The following VAV2 variants were observed in gnomAD, a reference collection of about 807,000 sequenced individuals.
VAV2 encodes the protein guanine nucleotide exchange factor VAV2.
A neutral mutation model predicts 132.5 loss-of-function variants in VAV2; 67 were observed. The ratio of observed to expected loss-of-function variants is 0.51; its 90% CI spans 0.42 to 0.62. VAV2 has a LOEUF of 0.62. Among genes scored for constraint, VAV2 ranks in the 20% least tolerant of loss-of-function variants. The pLI, the probability that VAV2 is intolerant of heterozygous loss-of-function variation, is 0.00. For synonymous variants in VAV2, 492 were observed against 443.5 expected, an observed-to-expected ratio of 1.11 and a Z score of -1.37; for missense variants, 938 against 1,153.6, an observed-to-expected ratio of 0.81 and a Z score of 2.71.
Position 133,794,443 on chromosome 9 carries a change from C to T in VAV2, c.1101+1225G>A, listed in dbSNP as rs2131630734. On this transcript the variant is annotated intron_variant, in intron 12 of 29. Transcript: ENST00000371850. This position sits in a 1 kb window ranked among gnomAD's most constrained non-coding sequence, Gnocchi z 4.6. ...GAGTAAATTTCTCCCCGAGCACAAG[C>T]CCTGCTCAGAGAACCTCTTAGCACC... Among the ~76,000 whole-genome samples, 1 of 152,334 alleles carries T rather than the reference C, an allele frequency of 6.6e-6. No homozygotes were observed. Among genetic ancestry groups the T allele is most frequent in the East Asian group, 1.9e-4 (1 of 5,180 alleles).
At chr9:133,778,067 A>G (rs1588161564) in intron 22 of VAV2, among the ~76,000 whole-genome samples, 1 of 152,150 alleles carries the variant, frequency 6.6e-6, no homozygotes, top group Non-Finnish European at 1.5e-5. Context: ...CTTGGCTCAG[A>G]CGCCCGGGTG....
intron 1 of VAV2, among the ~76,000 whole-genome samples, chr9:133,984,223 CT>C (rs1842784369): frequency 6.6e-6 from 1 of 152,194 alleles, no homozygotes; most frequent in Non-Finnish European, 1.5e-5. Flanking sequence ...ATCTGCCTGC[CT>C]CAGCATCCCA....
chr9:133,806,062 G>A lies in VAV2; in HGVS notation c.836+19C>T, dbSNP rs540945428. 5.0e-6 allele frequency: 8 copies of A among 1,608,830 alleles called. No individual in the cohort carries two copies. The African/African-American group carries it at 1.1e-4, about 21-fold the overall frequency. On this transcript the variant is annotated intron_variant, in intron 9 of 29. Coordinates refer to ENST00000371850, the MANE Select transcript of VAV2 (RefSeq NM_001134398.2). ...GACAGGGAGGGGCCAAGGAGCCCCAGGAGCCGGCAGCCACTCACCTTTCCT... is the reference window on the plus strand; with the variant it reads ...GACAGGGAGGGGCCAAGGAGCCCCAAGAGCCGGCAGCCACTCACCTTTCCT...
intron 4 of VAV2, among the ~76,000 whole-genome samples, chr9:133,819,317 C>T (rs1276693352): frequency 2.6e-5 from 4 of 151,692 alleles, no homozygotes; most frequent in African/African-American, 9.7e-5. Flanking sequence ...GGCGTGGTGG[C>T]GGGTGCCTGT....
intron 2 of VAV2, among the ~76,000 whole-genome samples, chr9:133,862,315 G>A (rs900846466): frequency 5.3e-5 from 8 of 152,366 alleles, no homozygotes; most frequent in Non-Finnish European, 7.3e-5. Flanking sequence ...CCCGCGGTGG[G>A]GGACAGGGAG....
chr9:133,854,864 C>A (rs1837326924), intron 3 of VAV2, among the ~76,000 whole-genome samples: 1 of 152,228 alleles, frequency 6.6e-6, no homozygotes, highest in African/African-American at 2.4e-5. Context: ...CCCCTCACAG[C>A]AGACCCACTG....
rs929997094 is a variant in VAV2 at position 133,879,773 on chromosome 9, C to T, written c.322-18341G>A. ...CAAGTCCGATCTGTGCAATGTGAGC[C>T]CCTGCAGGAAAAAAGTCTAAAGTGA... On this transcript the variant is annotated intron_variant, in intron 2 of 29. Transcript: ENST00000371850. The surrounding 1 kb of genome is among the most constrained non-coding windows in gnomAD (Gnocchi z 4.4). 6.6e-6 allele frequency among the ~76,000 whole-genome samples: 1 copy of T among 152,008 alleles called. No homozygotes were observed. Among genetic ancestry groups the T allele is most frequent in the Non-Finnish European group, 1.5e-5 (1 of 68,006 alleles).
intron 5 of VAV2, 69 bp from the exon 6 acceptor site, chr9:133,810,274 G>A (rs561439729): frequency 3.7e-6 from 6 of 1,606,970 alleles, no homozygotes; most frequent in South Asian, 3.3e-5. Flanking sequence ...GGCAAGCTGG[G>A]CCTGGGACAT....
At chr9:133,873,495 G>A (rs1199537787) in intron 2 of VAV2, among the ~76,000 whole-genome samples, 1 of 152,194 alleles carries the variant, frequency 6.6e-6, no homozygotes, top group African/African-American at 2.4e-5. Flanking sequence ...CAGTGCTCCG[G>A]GCAGACGCTG....
chr9:133,975,024 G>A (rs904518615), intron 1 of VAV2, among the ~76,000 whole-genome samples: 2 of 152,220 alleles, frequency 1.3e-5, no homozygotes, highest in African/African-American at 4.8e-5. Flanking sequence ...GGCCCAGAGC[G>A]AGTGTGGTCC....
chr9:133,791,034 C>A (rs1000238850), intron 13 of VAV2, among the ~76,000 whole-genome samples: 1 of 152,140 alleles, frequency 6.6e-6, no homozygotes, highest in Non-Finnish European at 1.5e-5. Context: ...TACACTGCTC[C>A]ACATCCTGTA....
intron 2 of VAV2, among the ~76,000 whole-genome samples, chr9:133,896,771 T>C (rs889704432): frequency 1.3e-5 from 2 of 152,110 alleles, no homozygotes; most frequent in Non-Finnish European, 2.9e-5. Flanking sequence ...ACATTTTCTT[T>C]TCTTGTCTTT....
chr9:133,867,603 C>T (rs1837859039), intron 2 of VAV2, among the ~76,000 whole-genome samples: 1 of 152,258 alleles, frequency 6.6e-6, no homozygotes, highest in South Asian at 2.1e-4. Context: ...ACCTACAGAC[C>T]CCAATGCACC....
In VAV2 at chr9:133,861,378, T is replaced by C. The variant is rs776325440; in HGVS notation, c.376A>G (p.Ile126Val). 6 of 1,612,376 alleles carry C rather than the reference T, an allele frequency of 3.7e-6. No homozygotes were observed. The highest frequency in any genetic ancestry group is 8.5e-7 in the Non-Finnish European group (1 of 1,179,108). The stretch of plus-strand genomic sequence containing the variant: ...AGCGCACTCCGGAGAGCTCACCTGA[T>C]CCCTTTGTTCTGCGCGATGCTGTGC... ...SLHSIAQNKG[I>V]RPFPSEETTE... The change falls in exon 3 of 30, where the codon ATC (isoleucine) becomes GTC (valine). Residue 126 changes from isoleucine (I) to valine (V), a missense_variant. Transcript: ENST00000371850.
At position 133,962,611 on chromosome 9, in the gene VAV2, C is replaced by CG. The variant is rs1433786519; in HGVS notation, c.205-23393_205-23392insC. Among the ~76,000 whole-genome samples, 9 of 152,248 alleles carry CG rather than the reference C, an allele frequency of 5.9e-5. No individual in the cohort carries two copies. In the South Asian group the frequency reaches 1.7e-3, roughly 28 times the overall value. On this transcript the variant is annotated intron_variant, in intron 1 of 29. Coordinates refer to ENST00000371850, the MANE Select transcript of VAV2 (RefSeq NM_001134398.2). ...GCTCTCCAAGCACAGTTAGCAGAAGCCCCTCCCCGCCCCACCCCCCACAAA... is the reference window on the plus strand; with the variant it reads ...GCTCTCCAAGCACAGTTAGCAGAAGCGCCCTCCCCGCCCCACCCCCCACAAA...
chr9:133,779,516 C>T (rs533559483), intron 21 of VAV2, among the ~76,000 whole-genome samples: 4 of 152,362 alleles, frequency 2.6e-5, no homozygotes, highest in Non-Finnish European at 2.9e-5. Context: ...GCAGAGAACA[C>T]GATGCTTTTT....
At chr9:133,778,914 C>A in intron 21 of VAV2, 25 bp from the exon 22 acceptor site, 1 of 1,608,064 alleles carries the variant, frequency 6.2e-7, no homozygotes, top group South Asian at 1.1e-5. Context: ...ACAGCTCACT[C>A]AGTGACTCAG....
At chr9:133,871,468 G>A (rs10821532) in intron 2 of VAV2, among the ~76,000 whole-genome samples, 1,392 of 7,550 alleles carry the variant, frequency 0.18, 33 homozygotes, top group African/African-American at 0.41. Context: ...ATGGAGAAGC[G>A]GATGGATGGA....
Position 133,935,332 on chromosome 9 carries a change from C to A in VAV2, c.321+3771G>T, listed in dbSNP as rs1407831858. Among the ~76,000 whole-genome samples, 1 of 152,172 alleles carries A rather than the reference C, an allele frequency of 6.6e-6. No homozygotes were observed. Among genetic ancestry groups the A allele is most frequent in the Non-Finnish European group, 1.5e-5 (1 of 68,020 alleles). ...CTCTTCATCTCTGTGGCCAGAGGGACCGATGCATGGAATGGCCAAGTAAGG... is the reference window on the plus strand; with the variant it reads ...CTCTTCATCTCTGTGGCCAGAGGGAACGATGCATGGAATGGCCAAGTAAGG... On this transcript the variant is annotated intron_variant, in intron 2 of 29. Coordinates refer to ENST00000371850, the MANE Select transcript of VAV2 (RefSeq NM_001134398.2). This position sits in a 1 kb window ranked among gnomAD's most constrained non-coding sequence, Gnocchi z 5.2.
Sources: gnomAD v4.1 joint callset for allele counts (sites outside exome capture counted in the v4.1 genomes callset) on GRCh38, gnomAD v4.1.1 for gene constraint, Gnocchi (gnomAD v3.1) non-coding constraint, MANE v1.5 for transcripts, NCBI Gene and HGNC (gene_info 2026-07-23, HGNC 2026-07-21) for gene names.